Variants in KIAA1755 observed in about 807,000 individuals in gnomAD.
KIAA1755 encodes uncharacterized protein KIAA1755.
A neutral mutation model predicts 91.7 loss-of-function variants in KIAA1755; 68 were observed. The ratio of observed to expected loss-of-function variants is 0.74; its 90% CI spans 0.61 to 0.91. The LOEUF is 0.91. Ranked by LOEUF, KIAA1755 falls within the 40% of genes least tolerant of loss-of-function variation. KIAA1755 has a pLI of 0.00. For missense variants in KIAA1755, 1,535 were observed against 1,494.4 expected, an observed-to-expected ratio of 1.03 and a Z score of -0.45; for synonymous variants, 610 against 604.6, an observed-to-expected ratio of 1.01 and a Z score of -0.13.
intron 2 of KIAA1755, among the ~76,000 whole-genome samples, chr20:38,244,743 G>A (rs2076124662): frequency 1.3e-5 from 2 of 152,048 alleles, no homozygotes; most frequent in African/African-American, 4.8e-5. Context: ...GGGTCTCACT[G>A]TGCCACCCAG....
At chr20:38,240,239 G>A (rs1908274544) in intron 3 of KIAA1755, among the ~76,000 whole-genome samples, 1 of 152,102 alleles carries the variant, frequency 6.6e-6, no homozygotes, top group African/African-American at 2.4e-5. Context: ...CTAGCTTCTG[G>A]TGTCGCTTTG....
At chr20:38,250,490 GTGTGTGTGTGTGTGTGTGTGTC>G (rs1163437765) in intron 1 of KIAA1755, among the ~76,000 whole-genome samples, 2 of 132,942 alleles carry the variant, frequency 1.5e-5, no homozygotes, top group Non-Finnish European at 3.3e-5. Flanking sequence ...TTATTATGGT[GTGTGTGTGTGTGTGTGTGTGTC>G]TGTGTGTGTG....
chr20:38,222,387 G>T, intron 10 of KIAA1755, 62 bp downstream of exon 10: 4 of 1,559,936 alleles, frequency 2.6e-6, no homozygotes, highest in Non-Finnish European at 3.5e-6. Flanking sequence ...TGTGGTCCCA[G>T]CTCCAAGCTC....
Position 38,241,639 on chromosome 20 carries a change from G to C in KIAA1755, c.492C>G (p.Asn164Lys). 6.2e-7 allele frequency: 1 copy of C among 1,614,276 alleles called. No individual in the cohort carries two copies. The highest frequency in any genetic ancestry group is 1.1e-5 in the South Asian group (1 of 91,088). ...TCCCATTTTCTGATGCTACCAAGCA[G>C]TTGTGTAGGGGATTTCCCTCAAAGT... Reference protein sequence around the residue: ...NSDFEGNPLHNCLVASENGIA... With the variant: ...NSDFEGNPLHKCLVASENGIA... The change falls in exon 3 of 14, where the codon AAC becomes AAG. Residue 164 changes from asparagine to lysine, a missense_variant. Asn to Lys is a moderately conservative substitution (Grantham distance 94). Coordinates refer to ENST00000279024, the MANE Select transcript of KIAA1755 (RefSeq NM_001029864.2).
At chr20:38,231,160 T>C (rs944042836) in intron 5 of KIAA1755, 42 bp downstream of exon 5, 35 of 1,582,630 alleles carry the variant, frequency 2.2e-5, no homozygotes, top group Non-Finnish European at 2.9e-5. Flanking sequence ...GCCCAGAGGG[T>C]TGAGGTGGGG....
At chr20:38,259,004 G>A (rs1041707407) in intron 1 of KIAA1755, among the ~76,000 whole-genome samples, 48 of 152,116 alleles carry the variant, frequency 3.2e-4, no homozygotes, top group Admixed American at 3.0e-3. Context: ...GACCATGACC[G>A]CCGAGTGCAG....
Position 38,219,711 on chromosome 20 carries a change from A to G in KIAA1755, c.2475T>C (p.Val825=). 6.2e-7 allele frequency: 1 copy of G among 1,614,148 alleles called. No individual in the cohort carries two copies. The highest frequency in any genetic ancestry group is 8.5e-7 in the Non-Finnish European group (1 of 1,180,006). Residue 825 remains valine (V), a synonymous_variant, in exon 11 of 14, where the codon GTT becomes GTC. Transcript: ENST00000279024. ...LYSLVDEQLH[V]LVTASNSLLG... The stretch of plus-strand genomic sequence containing the variant: ...GGAGGCTGTTGGAAGCGGTGACCAG[A>G]ACATGAAGCTGCTCGTCCACAAGGC...
chr20:38,241,128 G>C lies in KIAA1755; in HGVS notation c.1003C>G (p.Arg335Gly). The change falls in exon 3 of 14, where the codon CGG (arginine) becomes GGG (glycine). Residue 335 changes from arginine to glycine, a missense_variant. Transcript: ENST00000279024. ...EANEGPSLGN[R>G]ACTKPESSEE... ...GAGCTTTCTGGCTTTGTGCAAGCCC[G>C]ATTTCCCAAGGAAGGTCCTTCATTG... 1 of 1,614,046 alleles carries C rather than the reference G, an allele frequency of 6.2e-7. No homozygotes were observed. Among genetic ancestry groups the C allele is most frequent in the Non-Finnish European group, 8.5e-7 (1 of 1,179,978 alleles).
chr20:38,236,381 C>G (rs117256151), intron 4 of KIAA1755, among the ~76,000 whole-genome samples: 1,901 of 152,280 alleles, frequency 0.012, 17 homozygotes, highest in Non-Finnish European at 0.022. Context: ...GGTTGTCAGC[C>G]TGGAGAGAGC....
At chr20:38,239,304 G>A (rs1188041346) in intron 4 of KIAA1755, among the ~76,000 whole-genome samples, 2 of 152,242 alleles carry the variant, frequency 1.3e-5, no homozygotes, top group East Asian at 1.9e-4. Context: ...TGGACAAGTA[G>A]ACAGATGGAC....
chr20:38,224,418 G>A (rs1335697579), intron 8 of KIAA1755, among the ~76,000 whole-genome samples: 1 of 152,228 alleles, frequency 6.6e-6, no homozygotes, highest in Non-Finnish European at 1.5e-5. Context: ...CATTTGAAAT[G>A]TGAATATACT....
intron 2 of KIAA1755, among the ~76,000 whole-genome samples, chr20:38,242,777 C>A (rs1182550754): frequency 6.6e-6 from 1 of 152,100 alleles, no homozygotes; most frequent in East Asian, 1.9e-4. Context: ...AAAGGTTATT[C>A]TGGGCCTGAA....
chr20:38,222,687 C>T, intron 9 of KIAA1755, 90 bp from the exon 10 acceptor site: 1 of 1,390,866 alleles, frequency 7.2e-7, no homozygotes, highest in Non-Finnish European at 9.9e-7. Flanking sequence ...AAGTCCAACT[C>T]CCAGTTTGGC....
At chr20:38,249,018 G>C (rs2076203687) in intron 1 of KIAA1755, among the ~76,000 whole-genome samples, 1 of 151,974 alleles carries the variant, frequency 6.6e-6, no homozygotes, top group Non-Finnish European at 1.5e-5. Flanking sequence ...GTGGACCACA[G>C]GCACCCACCA....
At chr20:38,222,784 T>C (rs1160789127) in intron 9 of KIAA1755, 187 bp from the exon 10 acceptor site, 3 of 656,960 alleles carry the variant, frequency 4.6e-6, no homozygotes, top group East Asian at 2.7e-5. Context: ...GGCAACCTCA[T>C]TGGTCCACCC....
chr20:38,235,940 G>T (rs184841415), intron 4 of KIAA1755, among the ~76,000 whole-genome samples: 1 of 152,342 alleles, frequency 6.6e-6, no homozygotes, highest in East Asian at 1.9e-4. Context: ...AGCAGATCTA[G>T]ATCTTGAAGC....
Position 38,241,311 on chromosome 20 carries a change from C to G in KIAA1755, c.820G>C (p.Asp274His), listed in dbSNP as rs1159813740. The G allele has an allele frequency of 3.7e-6, 6 of 1,614,084 alleles. No individual in the cohort carries two copies. The highest frequency in any genetic ancestry group is 2.7e-5 in the African/African-American group (2 of 74,930). The change falls in exon 3 of 14, where the codon GAC (aspartate) becomes CAC (histidine). Residue 274 changes from aspartate (D) to histidine (H), a missense_variant. Physicochemically the swap from Asp to His is moderately conservative, Grantham distance 81. Coordinates refer to ENST00000279024, the MANE Select transcript of KIAA1755 (RefSeq NM_001029864.2). ...GAAAAGCCTAGGAGAGCCACATAGT[C>G]TCCCTCGAAGTCCTGGCTGACCACC... The part of the protein sequence containing the change: ...DEVVSQDFEG[D>H]YVALLGFSQE...
intron 8 of KIAA1755, among the ~76,000 whole-genome samples, chr20:38,224,226 G>A (rs941815839): frequency 6.6e-6 from 1 of 152,096 alleles, no homozygotes; most frequent in African/African-American, 2.4e-5. Context: ...CCCATACTGT[G>A]TTTATCATCA....
At chr20:38,215,785 C>T (rs2075534074) in intron 13 of KIAA1755, among the ~76,000 whole-genome samples, 1 of 152,160 alleles carries the variant, frequency 6.6e-6, no homozygotes, top group Non-Finnish European at 1.5e-5. Context: ...ATGTCTTTAA[C>T]CCTGGAGGCA....
Sources: gnomAD v4.1 joint callset for allele counts (sites outside exome capture counted in the v4.1 genomes callset) on GRCh38, gnomAD v4.1.1 for gene constraint, MANE v1.5 for transcripts, NCBI Gene and HGNC (gene_info 2026-07-23, HGNC 2026-07-21) for gene names.